Variants in NLRP5 observed in about 807,000 individuals in gnomAD.
NLRP5 encodes the protein NLR family pyrin domain containing 5.
In NLRP5, 93 loss-of-function variants were observed where a neutral mutation model predicts 113.1. The ratio of observed to expected loss-of-function variants is 0.82; its 90% CI spans 0.70 to 0.98. The LOEUF (loss-of-function observed/expected upper bound fraction) is 0.98, where lower values mean the gene tolerates loss of function less well. Ranked by LOEUF, NLRP5 falls within the 50% of genes least tolerant of loss-of-function variation. The pLI, the probability that NLRP5 is intolerant of heterozygous loss-of-function variation, is 0.00. For missense variants in NLRP5, 1,808 were observed against 1,514.3 expected (o/e 1.19, Z -3.22); for synonymous variants, 751 against 600.7 (o/e 1.25, Z -3.66).
chr19:56,029,562 G>A (rs576583174), intron 7 of NLRP5, among the ~76,000 whole-genome samples: 2 of 152,132 alleles, frequency 1.3e-5, no homozygotes, highest in East Asian at 1.9e-4. Context: ...TGCTGTGCCC[G>A]GCCTCATTTG....
At chr19:55,993,470 CTCCCCCCTCCCT>C in the NLRP5 span, among the ~76,000 whole-genome samples, 1 of 168 alleles carries the variant, frequency 6.0e-3, no homozygotes, top group Admixed American at 0.033. Context: ...TCCCCCCTCT[CTCCCCCCTCCCT>C]CCCCCTCTCC....
chr19:56,006,118 C>T (rs1981899724), intron 2 of NLRP5, among the ~76,000 whole-genome samples: 1 of 152,092 alleles, frequency 6.6e-6, no homozygotes, highest in Admixed American at 6.6e-5. Context: ...AGTTCATGTC[C>T]TTTATAGGGA....
At chr19:56,030,233 G>T (rs1983043881) in intron 7 of NLRP5, among the ~76,000 whole-genome samples, 1 of 151,922 alleles carries the variant, frequency 6.6e-6, no homozygotes, top group African/African-American at 2.4e-5. Context: ...AGTGGGGCGT[G>T]GTGGTGGGTG....
At chr19:56,040,202 C>G (rs1221927151) in intron 10 of NLRP5, among the ~76,000 whole-genome samples, 4 of 152,188 alleles carry the variant, frequency 2.6e-5, no homozygotes, top group Admixed American at 2.6e-4. Flanking sequence ...CTGCCTCAGC[C>G]TCTCAAAGTG....
chr19:56,054,881 A>G (rs183673031), intron 13 of NLRP5, among the ~76,000 whole-genome samples: 265 of 152,044 alleles, frequency 1.7e-3, no homozygotes, highest in Non-Finnish European at 3.0e-3. Context: ...ATGTGTGAGC[A>G]CTGACCATGC....
At chr19:56,049,926 C>T (rs112672197) in intron 11 of NLRP5, among the ~76,000 whole-genome samples, 1 of 152,024 alleles carries the variant, frequency 6.6e-6, no homozygotes, top group Admixed American at 6.6e-5. Flanking sequence ...CTTGTTTTGT[C>T]ATATTACCAG....
intron 2 of NLRP5, 111 bp downstream of exon 2, chr19:56,004,206 G>A: frequency 1.7e-6 from 2 of 1,165,146 alleles, no homozygotes; most frequent in Non-Finnish European, 1.2e-6. Flanking sequence ...TGCAGTGTGA[G>A]TCTGAGCTGT....
the NLRP5 span, chr19:55,988,062 C>A: frequency 7.9e-6 from 5 of 633,654 alleles, no homozygotes; most frequent in East Asian, 1.4e-4. Flanking sequence ...CAGCTTTGAA[C>A]CCTGGAGTGA....
At chr19:56,024,513 GTGTATGTATATGTATACA>G (rs1982754908) in intron 6 of NLRP5, among the ~76,000 whole-genome samples, 1 of 92,536 alleles carries the variant, frequency 1.1e-5, no homozygotes, top group African/African-American at 4.4e-5. Context: ...ATATGTATAT[GTGTATGTATATGTATACA>G]TATGTATATG....
intron 6 of NLRP5, among the ~76,000 whole-genome samples, chr19:56,025,583 C>T (rs568289765): frequency 2.8e-3 from 365 of 128,728 alleles, no homozygotes; most frequent in African/African-American, 0.01. Flanking sequence ...CTTTTTTTTT[C>T]GTATTTTTAG....
At chr19:56,038,793 A>G (rs1983412853) in intron 10 of NLRP5, among the ~76,000 whole-genome samples, 1 of 152,128 alleles carries the variant, frequency 6.6e-6, no homozygotes, top group African/African-American at 2.4e-5. Context: ...GCAGTTCTGC[A>G]CCCCTAACAC....
chr19:56,030,694 CA>C (rs1983063421), intron 7 of NLRP5, among the ~76,000 whole-genome samples: 4 of 126,168 alleles, frequency 3.2e-5, no homozygotes, highest in Non-Finnish European at 6.5e-5. Flanking sequence ...GCTATACTTA[CA>C]TTCATTCGCT....
intron 10 of NLRP5, 83 bp from the exon 11 acceptor site, chr19:56,040,839 C>A: frequency 8.2e-7 from 1 of 1,212,324 alleles, no homozygotes; most frequent in Non-Finnish European, 1.2e-6. Context: ...GGTGATACGT[C>A]TTTCCCCTCC....
In NLRP5 at chr19:56,053,729, G is replaced by A. The variant is rs745946910; in HGVS notation, c.3220G>A (p.Asp1074Asn). Reference sequence around the variant, plus strand: ...ACACCTGAAGAGCCTGGATCTCACGGACAATGCCCTGGGTGACGGTGGGGT... The same window carrying A: ...ACACCTGAAGAGCCTGGATCTCACGAACAATGCCCTGGGTGACGGTGGGGT... Residue 1074 changes from aspartate (D) to asparagine (N), a missense_variant, in exon 13 of 15, where the codon GAC becomes AAC. Physicochemically the swap from Asp to Asn is conservative, Grantham distance 23 (BLOSUM62 1). Coordinates refer to ENST00000390649, the MANE Select transcript of NLRP5 (RefSeq NM_153447.4). 1.2e-6 allele frequency: 2 copies of A among 1,613,864 alleles called. No individual in the cohort carries two copies. Among genetic ancestry groups the A allele is most frequent in the African/African-American group, 2.7e-5 (2 of 74,926 alleles).
chr19:55,998,678 A>G (rs74182584), upstream of NLRP5, among the ~76,000 whole-genome samples: 12,343 of 71,426 alleles, frequency 0.17, 1,473 homozygotes, highest in East Asian at 0.35. Context: ...GTGTGTATAT[A>G]TATATATATA....
chr19:56,050,137 A>G (rs1217699195), intron 11 of NLRP5, among the ~76,000 whole-genome samples: 1 of 151,984 alleles, frequency 6.6e-6, no homozygotes. Flanking sequence ...AAAATTAGCC[A>G]GGCGTGGTGG....
intron 12 of NLRP5, among the ~76,000 whole-genome samples, chr19:56,053,213 T>G (rs1473489654): frequency 6.6e-6 from 1 of 151,414 alleles, no homozygotes; most frequent in Non-Finnish European, 1.5e-5. Context: ...CTTACCAACA[T>G]GGAGAAACCC....
At chr19:55,987,228 G>A in the NLRP5 span, among the ~76,000 whole-genome samples, 1 of 152,178 alleles carries the variant, frequency 6.6e-6, no homozygotes, top group African/African-American at 2.4e-5. Context: ...AAATGAGCTG[G>A]GCGTGGTGGC....
chr19:56,042,787 A>G (rs1402391175), intron 11 of NLRP5, among the ~76,000 whole-genome samples: 1 of 152,108 alleles, frequency 6.6e-6, no homozygotes, highest in Non-Finnish European at 1.5e-5. Flanking sequence ...AGTCCATTGT[A>G]TCATTCTTAT....
Sources: gnomAD v4.1 joint callset for allele counts (sites outside exome capture counted in the v4.1 genomes callset) on GRCh38, gnomAD v4.1.1 for gene constraint, MANE v1.5 for transcripts, NCBI Gene and HGNC (gene_info 2026-07-23, HGNC 2026-07-21) for gene names.